RASAL2: variants seen among roughly 807,000 people sequenced by gnomAD.
RASAL2 encodes the protein ras GTPase-activating protein nGAP.
RASAL2 carries 58 observed loss-of-function variants against 128.9 expected under a neutral mutation model. The ratio of observed to expected loss-of-function variants is 0.45; its 90% confidence interval spans 0.36 to 0.56. RASAL2 has a LOEUF of 0.56. Ranked by LOEUF, RASAL2 falls within the 20% of genes least tolerant of loss-of-function variation. The pLI is 0.00. For missense variants in RASAL2, 1,360 were observed against 1,601.6 expected (o/e 0.85, Z 2.57); for synonymous variants, 561 against 580.8 (o/e 0.97, Z 0.49).
intron 4 of RASAL2, among the ~76,000 whole-genome samples, chr1:178,405,115 C>T (rs1193355432): frequency 6.6e-6 from 1 of 152,148 alleles, no homozygotes; most frequent in African/African-American, 2.4e-5. Flanking sequence ...GAAGGGAAGG[C>T]AAACTGGTAC....
intron 2 of RASAL2, among the ~76,000 whole-genome samples, chr1:178,291,758 C>A (rs775149432): frequency 6.6e-5 from 10 of 152,054 alleles, no homozygotes; most frequent in Non-Finnish European, 1.3e-4. Flanking sequence ...GAATGTGGGC[C>A]GGGCACGGCG....
intron 3 of RASAL2, among the ~76,000 whole-genome samples, chr1:178,359,032 A>C (rs530627750): frequency 3.9e-5 from 6 of 152,330 alleles, no homozygotes; most frequent in East Asian, 3.9e-4. Context: ...ATAATATTTA[A>C]ATGGAAAAAG....
At chr1:178,393,659 T>C (rs871101) in intron 4 of RASAL2, among the ~76,000 whole-genome samples, 52,300 of 152,118 alleles carry the variant, frequency 0.34, 12,767 homozygotes, top group African/African-American at 0.69. Flanking sequence ...TTCTTCCTTC[T>C]TTCGCTCTCA....
At chr1:178,122,492 A>T (rs1165235076) in intron 1 of RASAL2, among the ~76,000 whole-genome samples, 1 of 152,260 alleles carries the variant, frequency 6.6e-6, no homozygotes, top group Non-Finnish European at 1.5e-5. Context: ...GAATGCAGTC[A>T]TAATGACTGG....
At chr1:178,389,202 G>A in intron 3 of RASAL2, 10 of 868,738 alleles carry the variant, frequency 1.2e-5, no homozygotes, top group Non-Finnish European at 9.7e-6. Flanking sequence ...TTTAGGATGT[G>A]GCTTTTTTTT....
chr1:178,401,255 G>A (rs760300440), intron 4 of RASAL2, among the ~76,000 whole-genome samples: 18 of 152,132 alleles, frequency 1.2e-4, no homozygotes, highest in Non-Finnish European at 2.2e-4. Context: ...TCATTAGTTG[G>A]TAGTTTTTAA....
intron 14 of RASAL2, 81 bp from the exon 15 acceptor site, chr1:178,464,197 G>A: frequency 6.9e-7 from 1 of 1,458,942 alleles, no homozygotes; most frequent in Admixed American, 2.3e-5. Flanking sequence ...CACAGTTAAT[G>A]TCTTCCAAGA....
chr1:178,368,004 G>A (rs1364095011), intron 3 of RASAL2, among the ~76,000 whole-genome samples: 1 of 152,152 alleles, frequency 6.6e-6, no homozygotes, highest in Non-Finnish European at 1.5e-5. Context: ...ATGCCCATTA[G>A]TCTACGTATT....
At chr1:178,408,520 C>T (rs1313545789) in intron 4 of RASAL2, among the ~76,000 whole-genome samples, 5 of 151,684 alleles carry the variant, frequency 3.3e-5, no homozygotes, top group African/African-American at 1.2e-4. Flanking sequence ...AGCTAGGAAT[C>T]CTAGGGGCAA....
At chr1:178,395,793 T>TATATATATATACATA (rs879578177) in intron 4 of RASAL2, among the ~76,000 whole-genome samples, 1 of 124,602 alleles carries the variant, frequency 8.0e-6, no homozygotes, top group East Asian at 2.1e-4. Context: ...ATATATATAT[T>TATATATATATACATA]TATTTATTCA....
At chr1:178,360,102 G>A (rs996699476) in intron 3 of RASAL2, among the ~76,000 whole-genome samples, 5 of 152,004 alleles carry the variant, frequency 3.3e-5, no homozygotes, top group African/African-American at 4.8e-5. Context: ...TTTACTTTCA[G>A]TAATTAAAGT....
intron 1 of RASAL2, among the ~76,000 whole-genome samples, chr1:178,191,467 A>G (rs759187721): frequency 6.6e-6 from 1 of 152,172 alleles, no homozygotes; most frequent in Non-Finnish European, 1.5e-5. Context: ...TATTATATCC[A>G]TCTTGACATA....
At chr1:178,156,909 A>G (rs973926932) in intron 1 of RASAL2, among the ~76,000 whole-genome samples, 8 of 152,174 alleles carry the variant, frequency 5.3e-5, no homozygotes, top group South Asian at 2.1e-4. Context: ...GTGTTTGGCA[A>G]TGTCATTTTG....
At position 178,478,510 on chromosome 1, in the gene RASAL2, T is replaced by C. The variant is rs937358741; in HGVS notation, c.*5271T>C. On this transcript the variant is annotated 3_prime_UTR_variant, in exon 18 of 18. Transcript: ENST00000367649. ...CTTCTAAATTTGATTTTGTTTTTCA[T>C]CTCCAGGGCCTTAATAAGAGTGTGT... 6.6e-6 allele frequency: 1 copy of C among 152,214 alleles called. No homozygotes were observed. The highest frequency in any genetic ancestry group is 2.1e-4 in the South Asian group (1 of 4,836). 9.4% of individuals were successfully genotyped at this position (152,214 alleles called of 1,614,324 possible).
At chr1:178,125,817 TAAA>T (rs917950622) in intron 1 of RASAL2, among the ~76,000 whole-genome samples, 7 of 152,174 alleles carry the variant, frequency 4.6e-5, no homozygotes, top group African/African-American at 1.7e-4. Flanking sequence ...CTTGAAGAAT[TAAA>T]GAAGATATTC....
intron 3 of RASAL2, among the ~76,000 whole-genome samples, chr1:178,314,293 CAGTA>C (rs1475564698): frequency 6.6e-6 from 1 of 152,104 alleles, no homozygotes; most frequent in Non-Finnish European, 1.5e-5. Context: ...CAGAAAATGT[CAGTA>C]AGAAAAATTA....
intron 1 of RASAL2, among the ~76,000 whole-genome samples, chr1:178,174,696 C>A (rs989337231): frequency 6.6e-6 from 1 of 152,118 alleles, no homozygotes; most frequent in Non-Finnish European, 1.5e-5. Flanking sequence ...TAATTAATTT[C>A]CTGCTTCCTG....
intron 1 of RASAL2, among the ~76,000 whole-genome samples, chr1:178,198,942 A>G (rs1662768765): frequency 6.6e-6 from 1 of 152,168 alleles, no homozygotes; most frequent in South Asian, 2.1e-4. Context: ...TACAGAGGCA[A>G]GTGGTCCTCA....
intron 1 of RASAL2, among the ~76,000 whole-genome samples, chr1:178,281,840 T>G (rs775511870): frequency 6.6e-6 from 1 of 152,194 alleles, no homozygotes; most frequent in Non-Finnish European, 1.5e-5. Flanking sequence ...GTCCAAATCA[T>G]GTGAAGAAAA....
Sources: gnomAD v4.1 joint callset for allele counts (sites outside exome capture counted in the v4.1 genomes callset) on GRCh38, gnomAD v4.1.1 for gene constraint, MANE v1.5 for transcripts, NCBI Gene and HGNC (gene_info 2026-07-23, HGNC 2026-07-21) for gene names.